The following CLMP variants were observed in gnomAD, a reference collection of about 807,000 sequenced individuals.
The protein encoded by CLMP is CXADR-like membrane protein.
In CLMP, 27 loss-of-function variants were observed where a neutral mutation model predicts 45.2. The observed-to-expected ratio is 0.60, with a 90% CI of 0.44 to 0.82. The LOEUF (loss-of-function observed/expected upper bound fraction) is 0.82, where lower values mean the gene tolerates loss of function less well. Among genes scored for constraint, CLMP ranks in the 40% least tolerant of loss-of-function variants. The pLI is 0.00. For synonymous variants in CLMP, 167 were observed against 171.4 expected, an observed-to-expected ratio of 0.97 and a Z score of 0.20; for missense variants, 403 against 448.4, an observed-to-expected ratio of 0.90 and a Z score of 0.91.
intron 1 of CLMP, among the ~76,000 whole-genome samples, chr11:123,189,491 A>G (rs781544765): frequency 2.6e-5 from 4 of 152,218 alleles, no homozygotes; most frequent in East Asian, 3.8e-4. Flanking sequence ...GTATGTTAAT[A>G]TACTTCGTAA....
intron 1 of CLMP, among the ~76,000 whole-genome samples, chr11:123,110,407 T>C (rs1199945330): frequency 1.3e-5 from 2 of 151,448 alleles, no homozygotes; most frequent in African/African-American, 4.9e-5. Context: ...TGAGCCCTGA[T>C]TGTGTCACTG....
chr11:123,110,766 G>T (rs1384099870), intron 1 of CLMP, among the ~76,000 whole-genome samples: 1 of 152,154 alleles, frequency 6.6e-6, no homozygotes, highest in Non-Finnish European at 1.5e-5. Flanking sequence ...AGGAGTGAGG[G>T]AAAAGGGAGA....
intron 5 of CLMP, among the ~76,000 whole-genome samples, 155 bp downstream of exon 5, chr11:123,082,930 C>A (rs535365309): frequency 6.6e-6 from 1 of 152,078 alleles, no homozygotes; most frequent in Non-Finnish European, 1.5e-5. Flanking sequence ...GTGGTCTTTG[C>A]AACTACTGAA....
rs1335455975 is a variant in CLMP, at chr11:123,118,973, CTTTCTTTCTTTCTTTCTTTCTTTCTT to C, written c.29-21047_29-21022del. Reference sequence around the variant, plus strand: ...TCTTTCTTTCTTTCTTTCTTTCTTTCTTTCTTTCTTTCTTTCTTTCTTTCTTTCTCTCTCTCTCTCTCTCTCTCTCT... The same window carrying C: ...TCTTTCTTTCTTTCTTTCTTTCTTTCTCTCTCTCTCTCTCTCTCTCTCTCT... On this transcript the variant is annotated intron_variant, in intron 1 of 6. Transcript: ENST00000448775. 5.5e-3 allele frequency among the ~76,000 whole-genome samples: 262 copies of C among 47,728 alleles called. 6 individuals are homozygous for C. The highest frequency in any genetic ancestry group is 0.013 in the African/African-American group (138 of 10,616). The allele number at this position is 47,728 out of a possible 152,430, so 31.3% of individuals were successfully genotyped here. A position where few individuals can be genotyped will look rare whatever the true frequency, so the allele number is the denominator to read the frequency against.
At position 123,119,005 on chromosome 11, in the gene CLMP, C is replaced by T. The variant is rs1449801696; in HGVS notation, c.29-21053G>A. On this transcript the variant is annotated intron_variant, in intron 1 of 6. Coordinates refer to ENST00000448775, the MANE Select transcript of CLMP (RefSeq NM_024769.5). ...TCTTTCTTTCTTTCTTTCTTTCTCT[C>T]TCTCTCTCTCTCTCTCTCTCTCTCT... Among the ~76,000 whole-genome samples the T allele has an allele frequency of 7.0e-4, 21 of 29,966 alleles. 3 individuals carry two copies. Among genetic ancestry groups the T allele is most frequent in the African/African-American group, 2.7e-3 (15 of 5,480 alleles). The allele number at this position is 29,966 out of a possible 152,430, so 19.7% of individuals were successfully genotyped here.
chr11:123,192,374 C>G (rs11219059), intron 1 of CLMP, among the ~76,000 whole-genome samples: 14,033 of 152,166 alleles, frequency 0.092, 2,095 homozygotes, highest in African/African-American at 0.31. Context: ...ATTGTACAGA[C>G]AAGGGAGTCA....
At chr11:123,074,483 A>G (rs1451467235) in intron 6 of CLMP, among the ~76,000 whole-genome samples, 3 of 152,052 alleles carry the variant, frequency 2.0e-5, no homozygotes, top group African/African-American at 7.2e-5. Flanking sequence ...CGCCCAGCCT[A>G]ATTTAACTTT....
intron 2 of CLMP, among the ~76,000 whole-genome samples, chr11:123,086,859 G>A (rs1865870244): frequency 1.3e-5 from 2 of 151,906 alleles, no homozygotes; most frequent in Non-Finnish European, 2.9e-5. Context: ...CAGCCTGGGT[G>A]ACAGAGTGAG....
intron 1 of CLMP, among the ~76,000 whole-genome samples, chr11:123,120,322 TAC>T (rs1038920500): frequency 1.1e-4 from 16 of 152,314 alleles, no homozygotes; most frequent in Admixed American, 8.5e-4. Flanking sequence ...TTCTTTTTCA[TAC>T]ACCCATCTTT....
chr11:123,162,924 A>G (rs1861506834), intron 1 of CLMP, among the ~76,000 whole-genome samples: 1 of 151,864 alleles, frequency 6.6e-6, no homozygotes, highest in Admixed American at 6.6e-5. Flanking sequence ...AGAGAGAAGA[A>G]AACCAAAAAA....
intron 1 of CLMP, among the ~76,000 whole-genome samples, chr11:123,111,627 A>T (rs946105586): frequency 6.6e-6 from 1 of 152,192 alleles, no homozygotes; most frequent in Non-Finnish European, 1.5e-5. Flanking sequence ...CCTTTAAGGT[A>T]GTTATTCTTA....
chr11:123,146,116 A>G (rs1861235703), intron 1 of CLMP, among the ~76,000 whole-genome samples: 1 of 152,224 alleles, frequency 6.6e-6, no homozygotes, highest in Non-Finnish European at 1.5e-5. Flanking sequence ...AGTAACTTGC[A>G]TCTAGGTAAG....
At chr11:123,082,411 C>G (rs536392875) in intron 5 of CLMP, among the ~76,000 whole-genome samples, 179 of 152,150 alleles carry the variant, frequency 1.2e-3, no homozygotes, top group Non-Finnish European at 2.2e-3. Flanking sequence ...CAGGTTAAAG[C>G]AATTCTTCTG....
chr11:123,108,430 G>T (rs893989644), intron 1 of CLMP, among the ~76,000 whole-genome samples: 2 of 152,168 alleles, frequency 1.3e-5, no homozygotes, highest in East Asian at 1.9e-4. Context: ...CTCCAAGGAG[G>T]ATATTTGTTC....
intron 1 of CLMP, among the ~76,000 whole-genome samples, chr11:123,127,606 C>T (rs1343363858): frequency 6.6e-6 from 1 of 152,120 alleles, no homozygotes; most frequent in African/African-American, 2.4e-5. Context: ...ACTTCCTTTT[C>T]ATTTTATCAG....
chr11:123,093,545 A>C (rs1865956983), intron 2 of CLMP, among the ~76,000 whole-genome samples: 1 of 127,508 alleles, frequency 7.8e-6, no homozygotes. Context: ...AGAGGGTTTC[A>C]CCATGTTGGG....
chr11:123,168,602 G>A (rs1861590842), intron 1 of CLMP, among the ~76,000 whole-genome samples: 1 of 152,078 alleles, frequency 6.6e-6, no homozygotes, highest in African/African-American at 2.4e-5. Context: ...CCAATAGTCA[G>A]AACCCTCCAA....
chr11:123,084,696 A>G lies in CLMP; in HGVS notation c.204T>C (p.Ser68=). 1 of 1,614,190 alleles carries G rather than the reference A, an allele frequency of 6.2e-7. No homozygotes were observed. Among genetic ancestry groups the G allele is most frequent in the African/African-American group, 1.3e-5 (1 of 75,056 alleles). The change falls in exon 3 of 7, where the codon AGT becomes AGC. Residue 68 remains serine (S), a synonymous_variant. Coordinates refer to ENST00000448775, the MANE Select transcript of CLMP (RefSeq NM_024769.5). The part of the protein sequence containing the change: ...GNQKVVITYS[S]RHVYNNLTEE... Reference sequence around the variant, plus strand: ...CAGTCAAGTTATTGTAGACATGACGACTGGAGTAAGTGATCACCTGTGGGA... The same window carrying G: ...CAGTCAAGTTATTGTAGACATGACGGCTGGAGTAAGTGATCACCTGTGGGA...
rs538150833 is a variant in CLMP, at chr11:123,158,029, C to T, written c.28+36884G>A. Among the ~76,000 whole-genome samples, 5 of 152,292 alleles carry T rather than the reference C, an allele frequency of 3.3e-5. No individual in the cohort carries two copies. The South Asian group carries it at 1.0e-3, about 32-fold the overall frequency. Reference sequence around the variant, plus strand: ...TGCACAAAACCCCCAGTTTCGCTCTCCCAGGCTTTCACACACATTACTCAA... The same window carrying T: ...TGCACAAAACCCCCAGTTTCGCTCTTCCAGGCTTTCACACACATTACTCAA... On this transcript the variant is annotated intron_variant, in intron 1 of 6. Transcript: ENST00000448775.
Sources: gnomAD v4.1 joint callset for allele counts (sites outside exome capture counted in the v4.1 genomes callset) on GRCh38, gnomAD v4.1.1 for gene constraint, MANE v1.5 for transcripts, NCBI Gene and HGNC (gene_info 2026-07-23, HGNC 2026-07-21) for gene names.